The following CDKL5 variants were observed in gnomAD, a reference collection of about 807,000 sequenced individuals.
CDKL5 encodes cyclin-dependent kinase-like 5.
A neutral mutation model predicts 61.7 loss-of-function variants in CDKL5; 8 were observed. The observed-to-expected ratio is 0.13, with a 90% CI of 0.08 to 0.23. The LOEUF (loss-of-function observed/expected upper bound fraction) is 0.23, where lower values mean the gene tolerates loss of function less well. Among genes scored for constraint, CDKL5 ranks in the 10% least tolerant of loss-of-function variants. The pLI, the probability that CDKL5 is intolerant of heterozygous loss-of-function variation, is 1.00. For synonymous variants in CDKL5, 275 were observed against 272.3 expected (o/e 1.01, Z -0.10); for missense variants, 440 against 734.5 (o/e 0.60, Z 4.63).
intron 1 of CDKL5, among the ~76,000 whole-genome samples, chrX:18,456,531 A>G (rs769653202): frequency 1.8e-5 from 2 of 112,538 alleles, no homozygotes; most frequent in South Asian, 3.6e-4. Flanking sequence ...TGAGCTTAAT[A>G]ATACATAGTT....
chrX:18,514,029 C>A (rs1049517389), intron 3 of CDKL5, among the ~76,000 whole-genome samples: 44 of 111,192 alleles, frequency 4.0e-4, no homozygotes, highest in African/African-American at 1.4e-3. Context: ...AAAAGGTTGA[C>A]TGGGGGTGTA....
rs111749777 is a variant in CDKL5 at position 18,608,923 on chromosome X, A to G, written c.2046+11A>G. ...CGCCAGAAGTCTGAGGTATGTCACA[A>G]TAAAATATGCCTGTAAACATTTGTT... On this transcript the variant is annotated intron_variant, in intron 13 of 17. Transcript: ENST00000623535. The G allele has an allele frequency of 7.6e-6, 8 of 1,055,103 alleles. No homozygotes were observed. Among genetic ancestry groups the G allele is most frequent in the African/African-American group, 1.8e-5 (1 of 54,998 alleles). 87.0% of individuals were successfully genotyped at this position (1,055,103 alleles called of 1,213,427 possible).
At chrX:18,596,824 G>A (rs758909800) in intron 10 of CDKL5, among the ~76,000 whole-genome samples, 1 of 112,170 alleles carries the variant, frequency 8.9e-6, no homozygotes, top group East Asian at 2.8e-4. Context: ...AAGCATCAGT[G>A]TGGTACCAGA....
In CDKL5 at chrX:18,634,227, C is replaced by A. The variant is rs187503664; in HGVS notation, c.*5470C>A. The stretch of plus-strand genomic sequence containing the variant: ...AAGAGGCCTTATCTGTTCCTCCATC[C>A]CCCCTGTTTTGACAGACTGCTAAGA... On this transcript the variant is annotated 3_prime_UTR_variant, in exon 18 of 18. Transcript: ENST00000623535. The A allele has an allele frequency of 8.0e-5, 60 of 751,225 alleles. No homozygotes were observed. In the African/African-American group the frequency reaches 1.2e-3, roughly 15 times the overall value. 61.9% of individuals were successfully genotyped at this position (751,225 alleles called of 1,213,427 possible). A position where few individuals can be genotyped will look rare whatever the true frequency, so the allele number is the denominator to read the frequency against.
intron 12 of CDKL5, 52 bp from the exon 13 acceptor site, chrX:18,608,759 C>A: frequency 1.2e-6 from 1 of 828,846 alleles, no homozygotes; most frequent in Non-Finnish European, 1.8e-6. Flanking sequence ...ATGATGAGTT[C>A]CATCCCTAGG....
chrX:18,432,759 G>A (rs779287374), intron 1 of CDKL5, among the ~76,000 whole-genome samples: 5 of 109,967 alleles, frequency 4.5e-5, no homozygotes, highest in African/African-American at 6.6e-5. Context: ...GGTGCAGGCT[G>A]CCATGCCTGG....
intron 1 of CDKL5, among the ~76,000 whole-genome samples, chrX:18,427,416 A>G (rs891110680): frequency 9.1e-6 from 1 of 109,848 alleles, no homozygotes; most frequent in African/African-American, 3.3e-5. Context: ...TTTCACAAGT[A>G]CAAGGAAACC....
intron 1 of CDKL5, among the ~76,000 whole-genome samples, chrX:18,505,079 T>A (rs952597390): frequency 1.2e-4 from 14 of 112,138 alleles, no homozygotes; most frequent in African/African-American, 4.5e-4. Context: ...ACAAAGCTTA[T>A]TTTGAAAATA....
At position 18,646,239 on chromosome X, in the gene CDKL5, C is replaced by T. The variant is rs748394061; in HGVS notation, c.2797+149C>T. 4,150 of 914,858 alleles carry T rather than the reference C, an allele frequency of 4.5e-3. 19 individuals are homozygous for T. The highest frequency in any genetic ancestry group is 0.015 in the Middle Eastern group (37 of 2,438). The allele number at this position is 914,858 out of a possible 1,213,427, so 75.4% of individuals were successfully genotyped here. On this transcript the variant is annotated intron_variant, in intron 20 of 21. Coordinates refer to the CDKL5 transcript ENST00000379989. ...CACAATCTCGGCTCACTGCAACCTC[C>T]GCCTCCCAGGTTCAAGTGATTCTCC... is the stretch of plus-strand genomic sequence containing the variant.
chrX:18,602,572 A>G (rs753767976), intron 11 of CDKL5, among the ~76,000 whole-genome samples: 1 of 111,735 alleles, frequency 8.9e-6, no homozygotes, highest in South Asian at 3.8e-4. Flanking sequence ...TAGTGAGTAC[A>G]TTCAAGAGAT....
chrX:18,590,116 T>C (rs1353741389), intron 9 of CDKL5, among the ~76,000 whole-genome samples: 1 of 111,926 alleles, frequency 8.9e-6, no homozygotes, highest in East Asian at 2.8e-4. Flanking sequence ...TATTTTCTTT[T>C]GCTGTGCAGA....
chrX:18,539,989 A>G (rs1923965689), intron 3 of CDKL5, among the ~76,000 whole-genome samples: 1 of 112,268 alleles, frequency 8.9e-6, no homozygotes, highest in Non-Finnish European at 1.9e-5. Flanking sequence ...ATTGAGCACC[A>G]CATCAGATGA....
chrX:18,481,527 ATTT>A (rs764120656), intron 1 of CDKL5, among the ~76,000 whole-genome samples: 5 of 81,507 alleles, frequency 6.1e-5, no homozygotes, highest in Non-Finnish European at 9.7e-5. Context: ...TAATTTTTGT[ATTT>A]TTTTTTTTTT....
chrX:18,552,340 A>G (rs1490586236), intron 3 of CDKL5, among the ~76,000 whole-genome samples: 2 of 112,021 alleles, frequency 1.8e-5, no homozygotes, highest in Non-Finnish European at 3.8e-5. Flanking sequence ...TGTACCAAGG[A>G]ATGTCTTTTT....
chrX:18,475,817 T>A (rs1921287424), intron 1 of CDKL5, among the ~76,000 whole-genome samples: 2 of 112,211 alleles, frequency 1.8e-5, no homozygotes, highest in Non-Finnish European at 3.8e-5. Context: ...TACTTTAATG[T>A]TTGTGGTTAT....
chrX:18,531,947 C>T (rs1354236713), intron 3 of CDKL5, among the ~76,000 whole-genome samples: 1 of 108,721 alleles, frequency 9.2e-6, no homozygotes, highest in Non-Finnish European at 1.9e-5. Flanking sequence ...ACCTCGTGAT[C>T]CACCCGCCTC....
At chrX:18,597,664 T>C (rs1298230314) in intron 10 of CDKL5, among the ~76,000 whole-genome samples, 1 of 100,490 alleles carries the variant, frequency 1.0e-5, no homozygotes, top group African/African-American at 3.7e-5. Context: ...TGGTGTGATC[T>C]CAGCTCACTG....
chrX:18,515,535 A>AC (rs1291976369), intron 3 of CDKL5, among the ~76,000 whole-genome samples: 1 of 111,465 alleles, frequency 9.0e-6, no homozygotes, highest in Non-Finnish European at 1.9e-5. Flanking sequence ...AGTAGCAGGG[A>AC]CCTGGTATGT....
rs752898634 is a variant in CDKL5 at position 18,560,610 on chromosome X, T to C, written c.100-3867T>C. The stretch of plus-strand genomic sequence containing the variant: ...GCAATTGTGAACTTTGCATACTAAG[T>C]ACAAAAACTTAGTACAAGACTAAGC... On this transcript the variant is annotated intron_variant, in intron 3 of 17. Coordinates refer to ENST00000623535, the MANE Select transcript of CDKL5 (RefSeq NM_001323289.2). Among the ~76,000 whole-genome samples, 3 of 112,006 alleles carry C rather than the reference T, an allele frequency of 2.7e-5. No homozygotes were observed. The South Asian group carries it at 1.1e-3, about 42-fold the overall frequency.
Sources: gnomAD v4.1 joint callset for allele counts (sites outside exome capture counted in the v4.1 genomes callset) on GRCh38, gnomAD v4.1.1 for gene constraint, MANE v1.5 for transcripts, NCBI Gene and HGNC (gene_info 2026-07-23, HGNC 2026-07-21) for gene names.